Variants in FABP12 observed in about 807,000 individuals in gnomAD.
The protein encoded by FABP12 is fatty acid-binding protein 12.
A neutral mutation model predicts 13.7 loss-of-function variants in FABP12; 19 were observed. The observed-to-expected ratio is 1.39, with a 90% confidence interval of 0.97 to 2.04. FABP12 has a LOEUF of 2.04. Ranked by LOEUF, FABP12 falls within the 30% of genes most tolerant of loss-of-function variation. FABP12 has a pLI of 0.00. For missense variants in FABP12, 182 were observed against 164.2 expected (o/e 1.11, Z -0.59); for synonymous variants, 61 against 57.0 (o/e 1.07, Z -0.32).
At chr8:81,529,397 A>T (rs1414528918) in intron 3 of FABP12, 41 bp downstream of exon 3, 4 of 1,598,958 alleles carry the variant, frequency 2.5e-6, no homozygotes, top group Non-Finnish European at 3.4e-6. Context: ...TCTGACTAAC[A>T]TTCTTTTGAA....
chr8:81,536,961 AC>A (rs1209292827), upstream of FABP12, among the ~76,000 whole-genome samples: 1 of 152,206 alleles, frequency 6.6e-6, no homozygotes, highest in African/African-American at 2.4e-5. Flanking sequence ...ATATTTGTCA[AC>A]CCCTGTTTTA....
intron 1 of FABP12, among the ~76,000 whole-genome samples, chr8:81,565,035 A>G (rs1177284283): frequency 6.6e-6 from 1 of 152,110 alleles, no homozygotes; most frequent in Non-Finnish European, 1.5e-5. Context: ...AGGAAAAGCT[A>G]TAATCATATC....
rs187114618 is a variant in FABP12 at position 81,577,864 on chromosome 8, G to T, written c.-185+12189C>A. Among the ~76,000 whole-genome samples, 929 of 152,304 alleles carry T rather than the reference G, an allele frequency of 6.1e-3. 4 individuals carry two copies. Among genetic ancestry groups the T allele is most frequent in the Non-Finnish European group, 8.7e-3 (595 of 68,020 alleles). ...AACAAGAATAGCTACAATGTTTTGT[G>T]TTTAAATCTTATTCCCAATATTCTC... On this transcript the variant is annotated intron_variant, in intron 1 of 5. Transcript: ENST00000692030.
At chr8:81,525,615 G>A (rs1310927181) in intron 4 of FABP12, among the ~76,000 whole-genome samples, 3 of 151,936 alleles carry the variant, frequency 2.0e-5, no homozygotes, top group Admixed American at 1.3e-4. Context: ...CTGTTAGCTG[G>A]TTTTGCCATG....
intron 1 of FABP12, among the ~76,000 whole-genome samples, 156 bp from the exon 2 acceptor site, chr8:81,531,546 G>T (rs74854648): frequency 6.6e-6 from 1 of 152,122 alleles, no homozygotes; most frequent in Non-Finnish European, 1.5e-5. Context: ...AAACACAGTA[G>T]AGTGTTTAGC....
intron 1 of FABP12, among the ~76,000 whole-genome samples, chr8:81,566,284 AG>A (rs1809817602): frequency 3.3e-5 from 5 of 152,132 alleles, no homozygotes; most frequent in Non-Finnish European, 5.9e-5. Context: ...TCCAAAAAAT[AG>A]AGGAGAAGGG....
intron 1 of FABP12, among the ~76,000 whole-genome samples, chr8:81,548,553 T>C (rs1809475033): frequency 6.6e-6 from 1 of 152,172 alleles, no homozygotes; most frequent in Admixed American, 6.5e-5. Context: ...ACTAAAGAAA[T>C]GTTTCTCAGA....
intron 1 of FABP12, among the ~76,000 whole-genome samples, chr8:81,562,977 C>T (rs1809749641): frequency 6.6e-6 from 1 of 152,138 alleles, no homozygotes; most frequent in Non-Finnish European, 1.5e-5. Flanking sequence ...TGTGTGAGAC[C>T]CAGTGCTTTG....
chr8:81,583,782 T>G (rs1593713), intron 1 of FABP12, among the ~76,000 whole-genome samples: 16 of 152,182 alleles, frequency 1.1e-4, no homozygotes, highest in African/African-American at 3.9e-4. Context: ...AAACTAACAC[T>G]AGTTTTCTTC....
intron 1 of FABP12, among the ~76,000 whole-genome samples, chr8:81,548,205 G>A (rs530764291): frequency 6.6e-6 from 1 of 152,296 alleles, no homozygotes; most frequent in East Asian, 1.9e-4. Context: ...AATGAAACCT[G>A]AGCATAGGGA....
At chr8:81,534,851 G>A (rs1809182429), upstream of FABP12, among the ~76,000 whole-genome samples, 1 of 152,062 alleles carries the variant, frequency 6.6e-6, no homozygotes. Context: ...GGCTGAGGCA[G>A]GAGAATCACT....
At chr8:81,525,013 C>A in exon 5 of FABP12, 1 of 1,420,518 alleles carries the variant, frequency 7.0e-7, no homozygotes, top group South Asian at 1.2e-5. Context: ...ATTTAAACAA[C>A]CTCAGTAGTT....
intron 1 of FABP12, among the ~76,000 whole-genome samples, chr8:81,560,821 A>G (rs1159354420): frequency 6.6e-6 from 1 of 152,244 alleles, no homozygotes; most frequent in Non-Finnish European, 1.5e-5. Flanking sequence ...ACGCTGTGAC[A>G]TTAAAGTCCA....
At chr8:81,561,326 CA>C (rs1057200697) in intron 1 of FABP12, among the ~76,000 whole-genome samples, 12 of 152,142 alleles carry the variant, frequency 7.9e-5, no homozygotes, top group African/African-American at 2.7e-4. Context: ...GTTGAGAACC[CA>C]CTGGCAAAAA....
chr8:81,562,700 G>A (rs776138808), intron 1 of FABP12, among the ~76,000 whole-genome samples: 3 of 152,120 alleles, frequency 2.0e-5, no homozygotes, highest in Non-Finnish European at 4.4e-5. Flanking sequence ...TTGTGGAAAG[G>A]GAAAGAGTGA....
At chr8:81,532,248 G>A (rs1411421207) in intron 1 of FABP12, among the ~76,000 whole-genome samples, 2 of 152,110 alleles carry the variant, frequency 1.3e-5, no homozygotes, top group Admixed American at 6.5e-5. Flanking sequence ...CAGCCCCTGA[G>A]GACATCATTG....
rs910176509 is a variant in FABP12, at chr8:81,556,641, T to G, written c.-184-16898A>C. On this transcript the variant is annotated intron_variant, in intron 1 of 5. Transcript: ENST00000692030. The stretch of plus-strand genomic sequence containing the variant: ...AAAGTAGGAAAATATCCCATAGAAA[T>G]AATGCATTTTAACTTTTCTCTTTTA... 6.6e-5 allele frequency among the ~76,000 whole-genome samples: 10 copies of G among 150,664 alleles called. No individual in the cohort carries two copies. The East Asian group carries it at 1.9e-3, about 29-fold the overall frequency.
chr8:81,567,685 T>C (rs1057328103), intron 1 of FABP12, among the ~76,000 whole-genome samples: 2 of 152,096 alleles, frequency 1.3e-5, no homozygotes, highest in Non-Finnish European at 2.9e-5. Flanking sequence ...TAAATCTAAG[T>C]CCACAAACTA....
At chr8:81,575,155 T>C (rs1400046239) in intron 1 of FABP12, among the ~76,000 whole-genome samples, 1 of 152,184 alleles carries the variant, frequency 6.6e-6, no homozygotes, top group Non-Finnish European at 1.5e-5. Flanking sequence ...GGTTGTGTCA[T>C]TATTGTCATT....
Sources: gnomAD v4.1 joint callset for allele counts (sites outside exome capture counted in the v4.1 genomes callset) on GRCh38, gnomAD v4.1.1 for gene constraint, MANE v1.5 for transcripts, NCBI Gene and HGNC (gene_info 2026-07-23, HGNC 2026-07-21) for gene names.